ZNF362: variants seen among roughly 807,000 people sequenced by gnomAD.
The protein encoded by ZNF362 is zinc finger protein 362.
Under a neutral mutation model 42.9 loss-of-function variants are expected in ZNF362, and 11 were observed. The ratio of observed to expected loss-of-function variants is 0.26; its 90% CI spans 0.16 to 0.42. ZNF362 has a LOEUF of 0.42. ZNF362 is among the 20% of genes least tolerant of loss of function. The pLI is 1.00. For missense variants in ZNF362, 362 were observed against 576.2 expected (o/e 0.63, Z 3.81); for synonymous variants, 255 against 257.3 (o/e 0.99, Z 0.09).
chr1:33,277,871 C>T (rs116015165), intron 4 of ZNF362, among the ~76,000 whole-genome samples: 1,729 of 152,204 alleles, frequency 0.011, 27 homozygotes, highest in African/African-American at 0.039. Context: ...CGGAGGCCTC[C>T]TCGGAGCTTG....
At chr1:33,183,395 C>A in the ZNF362 span, among the ~76,000 whole-genome samples, 1 of 152,176 alleles carries the variant, frequency 6.6e-6, no homozygotes, top group African/African-American at 2.4e-5. Context: ...TCCATCATTG[C>A]GAGAAAAATA....
chr1:33,209,315 G>A, the ZNF362 span, among the ~76,000 whole-genome samples: 4 of 152,190 alleles, frequency 2.6e-5, no homozygotes, highest in South Asian at 2.1e-4. Context: ...TGCTGGATTC[G>A]GTTTGCCAGT....
the ZNF362 span, among the ~76,000 whole-genome samples, chr1:33,228,605 C>T: frequency 1.3e-5 from 2 of 152,172 alleles, no homozygotes; most frequent in African/African-American, 4.8e-5. Context: ...CCCTTGACTC[C>T]TCTTCTGCAC....
At chr1:33,147,841 C>T in the ZNF362 span, 1 of 1,172,306 alleles carries the variant, frequency 8.5e-7, no homozygotes, top group Non-Finnish European at 1.2e-6. This position sits in a 1 kb window ranked among gnomAD's most constrained non-coding sequence, Gnocchi z 8.1. Context: ...CTCTGACCTG[C>T]TGTGTGACCT....
At chr1:33,256,068 C>G (rs919658184), upstream of ZNF362, among the ~76,000 whole-genome samples, 2 of 151,658 alleles carry the variant, frequency 1.3e-5, no homozygotes, top group Admixed American at 1.3e-4. Context: ...GCGCCGGTGC[C>G]CTCCCCGCGC....
chr1:33,205,938 A>G, the ZNF362 span, among the ~76,000 whole-genome samples: 2 of 152,292 alleles, frequency 1.3e-5, no homozygotes, highest in South Asian at 4.1e-4. Flanking sequence ...AATAAATAAA[A>G]GATAGACAAA....
chr1:33,232,048 C>T, the ZNF362 span, among the ~76,000 whole-genome samples: 1 of 152,096 alleles, frequency 6.6e-6, no homozygotes, highest in Non-Finnish European at 1.5e-5. Context: ...TTGCTTGGGT[C>T]CTTTTCCCTT....
At chr1:33,271,692 G>A (rs1645905386) in intron 2 of ZNF362, among the ~76,000 whole-genome samples, 1 of 152,186 alleles carries the variant, frequency 6.6e-6, no homozygotes, top group Non-Finnish European at 1.5e-5. Context: ...GAGTGGGGAG[G>A]GAGGGCGAGT....
intron 6 of ZNF362, among the ~76,000 whole-genome samples, chr1:33,291,404 G>A (rs965224864): frequency 1.3e-5 from 2 of 152,192 alleles, no homozygotes; most frequent in African/African-American, 4.8e-5. Flanking sequence ...TGAGGGCTCT[G>A]TTCTGTTCCA....
At chr1:33,296,168 G>A (rs1482391202) in intron 8 of ZNF362, among the ~76,000 whole-genome samples, 1 of 152,196 alleles carries the variant, frequency 6.6e-6, no homozygotes, top group African/African-American at 2.4e-5. Flanking sequence ...CTCGGCCCTA[G>A]TCCAGATGGA....
the ZNF362 span, chr1:33,176,461 C>T: frequency 1.0e-5 from 7 of 695,172 alleles, no homozygotes; most frequent in African/African-American, 1.0e-4. Flanking sequence ...ATGAAGGAAG[C>T]CTTGGGAAGG....
chr1:33,271,930 T>C (rs1270139975), intron 2 of ZNF362, among the ~76,000 whole-genome samples: 2 of 151,548 alleles, frequency 1.3e-5, no homozygotes, highest in Non-Finnish European at 2.9e-5. Flanking sequence ...AGCCCAGGAG[T>C]CGGCCAAAGG....
chr1:33,226,882 C>T, the ZNF362 span, among the ~76,000 whole-genome samples: 3 of 152,086 alleles, frequency 2.0e-5, no homozygotes, highest in Admixed American at 6.5e-5. Context: ...AAAAGCAAAA[C>T]AAAACAAGAC....
the ZNF362 span, among the ~76,000 whole-genome samples, chr1:33,203,048 A>G: frequency 2.0e-5 from 3 of 152,188 alleles, no homozygotes; most frequent in Non-Finnish European, 4.4e-5. Context: ...CAATATTATT[A>G]GTGATAGTCC....
At chr1:33,287,931 A>G (rs1283598269) in intron 6 of ZNF362, among the ~76,000 whole-genome samples, 1 of 152,224 alleles carries the variant, frequency 6.6e-6, no homozygotes, top group Admixed American at 6.5e-5. Context: ...ATCTATGACC[A>G]TTGTTTTAGT....
At chr1:33,263,123 CTTA>C (rs958147920) in intron 1 of ZNF362, among the ~76,000 whole-genome samples, 1 of 152,232 alleles carries the variant, frequency 6.6e-6, no homozygotes, top group African/African-American at 2.4e-5. Flanking sequence ...CATGCACATG[CTTA>C]TTTACACTTG....
At position 33,281,519 on chromosome 1, in the gene ZNF362, TAGA is replaced by T. The variant is rs1645994229; in HGVS notation, c.684-65_684-63del. The stretch of plus-strand genomic sequence containing the variant: ...TCCCAGGTGCAAGGTCTCTCTGATG[TAGA>T]AGGCCTCCCCTGAGATGGACAGTCT... On this transcript the variant is annotated intron_variant, in intron 5 of 8. Coordinates refer to ENST00000539719, the MANE Select transcript of ZNF362 (RefSeq NM_152493.3). This position sits in a 1 kb window ranked among gnomAD's most constrained non-coding sequence, Gnocchi z 4.8. 2 of 1,506,498 alleles carry T rather than the reference TAGA, an allele frequency of 1.3e-6. No homozygotes were observed. Among genetic ancestry groups the T allele is most frequent in the Non-Finnish European group, 1.8e-6 (2 of 1,087,732 alleles). 93.3% of individuals were successfully genotyped at this position (1,506,498 alleles called of 1,614,324 possible). A position where few individuals can be genotyped will look rare whatever the true frequency, so the allele number is the denominator to read the frequency against.
At chr1:33,222,807 G>A in the ZNF362 span, among the ~76,000 whole-genome samples, 2 of 152,120 alleles carry the variant, frequency 1.3e-5, no homozygotes, top group South Asian at 2.1e-4. Flanking sequence ...CTAGTGATGT[G>A]GTTTGGCTGT....
At chr1:33,145,904 G>A in the ZNF362 span, 2 of 471,162 alleles carry the variant, frequency 4.2e-6, no homozygotes, top group East Asian at 6.9e-5. Flanking sequence ...CAAGGTTCTG[G>A]ATCTGACTTA....
Sources: allele counts gnomAD v4.1 joint callset (sites outside exome capture counted in the v4.1 genomes callset), GRCh38; gene constraint gnomAD v4.1.1; non-coding constraint Gnocchi (gnomAD v3.1); transcripts MANE v1.5; gene names NCBI Gene and HGNC (gene_info 2026-07-23, HGNC 2026-07-21).